NKX2-6: variants seen among roughly 807,000 people sequenced by gnomAD.
The protein encoded by NKX2-6 is homeobox protein Nkx-2.6.
NKX2-6 carries 8 observed loss-of-function variants against 8.6 expected under a neutral mutation model. That is an observed-to-expected ratio of 0.93 (90% CI 0.54 to 1.67). NKX2-6 has a LOEUF of 1.67. Ranked by LOEUF, NKX2-6 falls within the 40% of genes most tolerant of loss-of-function variation. The pLI is 0.00. For missense variants in NKX2-6, 475 were observed against 423.1 expected, an observed-to-expected ratio of 1.12 and a Z score of -1.08; for synonymous variants, 210 against 199.3, an observed-to-expected ratio of 1.05 and a Z score of -0.45.
intron 1 of NKX2-6, among the ~76,000 whole-genome samples, chr8:23,705,991 C>A (rs549992848): frequency 6.6e-6 from 1 of 152,040 alleles, no homozygotes; most frequent in Non-Finnish European, 1.5e-5. Flanking sequence ...TAAGACACTG[C>A]GGAGGGTTTC....
At position 23,706,520 on chromosome 8, in the gene NKX2-6, C is replaced by CG; in HGVS notation, c.78dup (p.Ala27ArgfsTer38). The CG allele has an allele frequency of 6.5e-7, 1 of 1,537,492 alleles. No homozygotes were observed. The highest frequency in any genetic ancestry group is 8.7e-7 in the Non-Finnish European group (1 of 1,146,928). The stretch of plus-strand genomic sequence containing the variant: ...CGCACCCGCGGATGTGGCGAAGCCG[C>CG]GGGGCAGCTCCGCTCGCGCTCCAGT... On this transcript the variant is annotated frameshift_variant, in exon 1 of 2. Transcript: ENST00000325017. LOFTEE classifies it high-confidence loss of function.
Position 23,703,008 on chromosome 8 carries a change from C to T in NKX2-6, c.349G>A (p.Asp117Asn), listed in dbSNP as rs1244336300. 8 of 1,540,902 alleles carry T rather than the reference C, an allele frequency of 5.2e-6. No individual in the cohort carries two copies. The African/African-American group carries it at 9.6e-5, about 18-fold the overall frequency. ...VPERGVGNSGDSVRGGRSEQP... is the reference protein window; with the variant it reads ...VPERGVGNSGNSVRGGRSEQP... The stretch of plus-strand genomic sequence containing the variant: ...TCCGAGCGGCCACCCCGCACGCTGT[C>T]GCCGCTGTTGCCAACGCCGCGCTCT... Residue 117 changes from aspartate to asparagine, a missense_variant, in exon 2 of 2, where the codon GAC (aspartate) becomes AAC (asparagine). Transcript: ENST00000325017.
intron 1 of NKX2-6, among the ~76,000 whole-genome samples, chr8:23,704,200 T>C (rs569664032): frequency 1.3e-5 from 2 of 152,374 alleles, no homozygotes; most frequent in South Asian, 4.1e-4. Flanking sequence ...TATTGGCTCC[T>C]GACTTTTGGC....
At position 23,706,449 on chromosome 8, in the gene NKX2-6, C is replaced by T; in HGVS notation, c.150G>A (p.Pro50=). The T allele has an allele frequency of 6.5e-7, 1 of 1,547,760 alleles. No homozygotes were observed. The highest frequency in any genetic ancestry group is 8.7e-7 in the Non-Finnish European group (1 of 1,146,994). The change falls in exon 1 of 2, where the codon CCG becomes CCA. Residue 50 remains proline, a synonymous_variant. Transcript: ENST00000325017. ...CAGCGTTGTGAACCTCTGACCCTCG[C>T]GGCTCTGCGTCCATTCTCAGGTACT... is the stretch of plus-strand genomic sequence containing the variant. ...NFQYLRMDAE[P]RGSEVHNAGG... is the part of the protein sequence containing the mutation.
chr8:23,702,968 C>A lies in NKX2-6; in HGVS notation c.389G>T (p.Arg130Leu). The A allele has an allele frequency of 6.5e-7, 1 of 1,545,810 alleles. No homozygotes were observed. The highest frequency in any genetic ancestry group is 1.2e-5 in the South Asian group (1 of 83,826). ...RGGRSEQPKA[R>L]QRRKPRVLFS... is the part of the protein sequence containing the mutation. ...GAGCACGCGCGGCTTCCGTCGTTGCCGCGCCTTGGGCTGCTCCGAGCGGCC... is the reference window on the plus strand; with the variant it reads ...GAGCACGCGCGGCTTCCGTCGTTGCAGCGCCTTGGGCTGCTCCGAGCGGCC... The change falls in exon 2 of 2, where the codon CGG becomes CTG. Residue 130 changes from arginine (R) to leucine (L), a missense_variant. By Grantham distance (102) the Arg-to-Leu change is moderately radical (BLOSUM62 -2). Coordinates refer to ENST00000325017, the MANE Select transcript of NKX2-6 (RefSeq NM_001136271.3).
In NKX2-6 at chr8:23,702,707, C is replaced by T; in HGVS notation, c.650G>A (p.Gly217Asp). 1.0e-5 allele frequency: 16 copies of T among 1,551,448 alleles called. No homozygotes were observed. Among genetic ancestry groups the T allele is most frequent in the Non-Finnish European group, 1.4e-5 (16 of 1,146,868 alleles). Residue 217 changes from glycine (G) to aspartate (D), a missense_variant, in exon 2 of 2, where the codon GGC becomes GAC. Gly to Asp is a moderately conservative substitution (Grantham distance 94). Coordinates refer to ENST00000325017, the MANE Select transcript of NKX2-6 (RefSeq NM_001136271.3). The part of the protein sequence containing the change: ...RVAVPVLVRD[G>D]KPCLGPGPGA... The stretch of plus-strand genomic sequence containing the variant: ...GGGCCCGGGGCCCAGGCAGGGCTTG[C>T]CATCGCGCACCAGGACGGGCACAGC...
rs1233318727 is a variant in NKX2-6 at position 23,702,569 on chromosome 8, G to A, written c.788C>T (p.Ala263Val). The A allele has an allele frequency of 3.9e-6, 6 of 1,543,828 alleles. No homozygotes were observed. Among genetic ancestry groups the A allele is most frequent in the Non-Finnish European group, 5.2e-6 (6 of 1,146,208 alleles). The stretch of plus-strand genomic sequence containing the variant: ...TGTGTGTGGCGCAGGACCCGAGGGC[G>A]CGCCCGCGTAGCAGGTGCCGTAGCC... ...GAGYGTCYAG[A>V]PSGPAPHTPL... Residue 263 changes from alanine to valine, a missense_variant, in exon 2 of 2, where the codon GCG (alanine) becomes GTG (valine). Physicochemically the swap from Ala to Val is moderately conservative, Grantham distance 64. Transcript: ENST00000325017.
Position 23,702,927 on chromosome 8 carries a change from C to A in NKX2-6, c.430G>T (p.Val144Leu), listed in dbSNP as rs1425467054. Residue 144 changes from valine (V) to leucine (L), a missense_variant, in exon 2 of 2, where the codon GTG becomes TTG. By Grantham distance (32) the Val-to-Leu change is conservative. Transcript: ENST00000325017. ...TTGAAGCGCCGCTCCAGGGCCAGCA[C>A]CTGCGCCTGCGAAAAGAGCACGCGC... Reference protein sequence around the residue: ...KPRVLFSQAQVLALERRFKQQ... With the variant: ...KPRVLFSQAQLLALERRFKQQ... 1.3e-6 allele frequency: 2 copies of A among 1,550,118 alleles called. No individual in the cohort carries two copies. Among genetic ancestry groups the A allele is most frequent in the South Asian group, 1.2e-5 (1 of 83,994 alleles).
intron 1 of NKX2-6, 86 bp from the exon 2 acceptor site, chr8:23,703,168 C>T (rs1482524985): frequency 4.2e-6 from 6 of 1,439,746 alleles, no homozygotes; most frequent in Non-Finnish European, 5.5e-6. Flanking sequence ...TTTCCTCTCC[C>T]TGGCAGCCTT....
At position 23,702,674 on chromosome 8, in the gene NKX2-6, G is replaced by A. The variant is rs368352157; in HGVS notation, c.683C>T (p.Pro228Leu). Reference sequence around the variant, plus strand: ...TGCACTGTAGGGGCTGGGGAAGGCAGGTGCGCCGGGCCCGGGGCCCAGGCA... The same window carrying A: ...TGCACTGTAGGGGCTGGGGAAGGCAAGTGCGCCGGGCCCGGGGCCCAGGCA... Reference protein sequence around the residue: ...KPCLGPGPGAPAFPSPYSAAV... With the variant: ...KPCLGPGPGALAFPSPYSAAV... Residue 228 changes from proline to leucine, a missense_variant, in exon 2 of 2, where the codon CCT (proline) becomes CTT (leucine). Coordinates refer to ENST00000325017, the MANE Select transcript of NKX2-6 (RefSeq NM_001136271.3). The A allele has an allele frequency of 1.3e-5, 20 of 1,550,740 alleles. No homozygotes were observed. The South Asian group carries it at 1.5e-4, about 12-fold the overall frequency.
At chr8:23,703,129 C>A in intron 1 of NKX2-6, 47 bp from the exon 2 acceptor site, 6 of 1,512,156 alleles carry the variant, frequency 4.0e-6, no homozygotes, top group Non-Finnish European at 5.3e-6. Flanking sequence ...TAAGGCTCAC[C>A]TGAGCGGTTC....
In NKX2-6 at chr8:23,702,571, G is replaced by A. The variant is rs61749320; in HGVS notation, c.786C>T (p.Gly262=). 3.9e-6 allele frequency: 6 copies of A among 1,543,818 alleles called. No homozygotes were observed. The highest frequency in any genetic ancestry group is 3.9e-5 in the Admixed American group (2 of 50,948). ...TGTGTGGCGCAGGACCCGAGGGCGCGCCCGCGTAGCAGGTGCCGTAGCCTG... is the reference window on the plus strand; with the variant it reads ...TGTGTGGCGCAGGACCCGAGGGCGCACCCGCGTAGCAGGTGCCGTAGCCTG... ...YGAGYGTCYA[G]APSGPAPHTP... is the part of the protein sequence containing the mutation. The change falls in exon 2 of 2, where the codon GGC becomes GGT. Residue 262 remains glycine (G), a synonymous_variant. Coordinates refer to ENST00000325017, the MANE Select transcript of NKX2-6 (RefSeq NM_001136271.3).
Position 23,706,642 on chromosome 8 carries a change from G to T in NKX2-6, c.-44C>A. The T allele has an allele frequency of 6.7e-7, 1 of 1,503,280 alleles. No homozygotes were observed. Among genetic ancestry groups the T allele is most frequent in the Non-Finnish European group, 8.9e-7 (1 of 1,128,472 alleles). The allele number at this position is 1,503,280 out of a possible 1,614,324, so 93.1% of individuals were successfully genotyped here. A position where few individuals can be genotyped will look rare whatever the true frequency, so the allele number is the denominator to read the frequency against. On this transcript the variant is annotated 5_prime_UTR_variant, in exon 1 of 2. Coordinates refer to ENST00000325017, the MANE Select transcript of NKX2-6 (RefSeq NM_001136271.3). ...GGGGCCGAGGAGGTCCGGGTGAGGA[G>T]CGGCACCCTGAACTTCCCGTCTTGT...
In NKX2-6 at chr8:23,706,604, A is replaced by T. The variant is rs1801096885; in HGVS notation, c.-6T>A. Reference sequence around the variant, plus strand: ...GTGACGGGGCTCAGCAGCATCCCGAAGGCGGATGGGGCGGGGCCGAGGAGG... The same window carrying T: ...GTGACGGGGCTCAGCAGCATCCCGATGGCGGATGGGGCGGGGCCGAGGAGG... On this transcript the variant is annotated 5_prime_UTR_variant, in exon 1 of 2. Transcript: ENST00000325017. The T allele has an allele frequency of 6.5e-7, 1 of 1,533,728 alleles. No individual in the cohort carries two copies. The highest frequency in any genetic ancestry group is 8.7e-7 in the Non-Finnish European group (1 of 1,145,402).
chr8:23,702,646 T>C lies in NKX2-6; in HGVS notation c.711A>G (p.Ala237=). 13 of 1,550,278 alleles carry C rather than the reference T, an allele frequency of 8.4e-6. No individual in the cohort carries two copies. Among genetic ancestry groups the C allele is most frequent in the Non-Finnish European group, 1.1e-5 (13 of 1,146,474 alleles). ...APAFPSPYSA[A]VSPYSCYGGY... is the part of the protein sequence containing the mutation. ...CTCCGTAGCAAGAGTAGGGCGACAC[T>C]GCTGCACTGTAGGGGCTGGGGAAGG... The change falls in exon 2 of 2, where the codon GCA becomes GCG. Residue 237 remains alanine, a synonymous_variant. Coordinates refer to ENST00000325017, the MANE Select transcript of NKX2-6 (RefSeq NM_001136271.3).
Position 23,702,986 on chromosome 8 carries a change from G to A in NKX2-6, c.371C>T (p.Ser124Leu). The A allele has an allele frequency of 2.6e-6, 4 of 1,542,524 alleles. No homozygotes were observed. Among genetic ancestry groups the A allele is most frequent in the Non-Finnish European group, 2.6e-6 (3 of 1,145,050 alleles). Residue 124 changes from serine to leucine, a missense_variant, in exon 2 of 2, where the codon TCG (serine) becomes TTG (leucine). Ser to Leu is a moderately radical substitution (Grantham distance 145, BLOSUM62 -2). Transcript: ENST00000325017. Reference sequence around the variant, plus strand: ...TCGTTGCCGCGCCTTGGGCTGCTCCGAGCGGCCACCCCGCACGCTGTCGCC... The same window carrying A: ...TCGTTGCCGCGCCTTGGGCTGCTCCAAGCGGCCACCCCGCACGCTGTCGCC... Reference protein sequence around the residue: ...NSGDSVRGGRSEQPKARQRRK... With the variant: ...NSGDSVRGGRLEQPKARQRRK...
rs918352540 is a variant in NKX2-6, at chr8:23,702,968, C to T, written c.389G>A (p.Arg130Gln). The T allele has an allele frequency of 3.2e-6, 5 of 1,545,810 alleles. No homozygotes were observed. The highest frequency in any genetic ancestry group is 4.4e-6 in the Non-Finnish European group (5 of 1,145,442). The change falls in exon 2 of 2, where the codon CGG becomes CAG. Residue 130 changes from arginine (R) to glutamine (Q), a missense_variant. Arg to Gln is a conservative substitution (Grantham distance 43). Coordinates refer to ENST00000325017, the MANE Select transcript of NKX2-6 (RefSeq NM_001136271.3). Reference protein sequence around the residue: ...RGGRSEQPKARQRRKPRVLFS... With the variant: ...RGGRSEQPKAQQRRKPRVLFS... ...GAGCACGCGCGGCTTCCGTCGTTGC[C>T]GCGCCTTGGGCTGCTCCGAGCGGCC... is the stretch of plus-strand genomic sequence containing the variant.
chr8:23,703,123 G>A, intron 1 of NKX2-6, 41 bp from the exon 2 acceptor site: 3 of 1,517,964 alleles, frequency 2.0e-6, no homozygotes, highest in Non-Finnish European at 1.8e-6. Flanking sequence ...CCAGCCTAAG[G>A]CTCACCTGAG....
intron 1 of NKX2-6, among the ~76,000 whole-genome samples, chr8:23,705,208 G>A (rs1421331042): frequency 1.3e-5 from 2 of 152,264 alleles, no homozygotes; most frequent in African/African-American, 4.8e-5. Context: ...AGCGCCGAGG[G>A]AGTTTAGAAT....
Sources: gnomAD v4.1 joint callset for allele counts (sites outside exome capture counted in the v4.1 genomes callset) on GRCh38, gnomAD v4.1.1 for gene constraint, MANE v1.5 for transcripts, NCBI Gene and HGNC (gene_info 2026-07-23, HGNC 2026-07-21) for gene names.